The following PI4KB variants were observed in gnomAD, a reference collection of about 807,000 sequenced individuals.
The protein encoded by PI4KB is PtdIns 4-kinase beta.
In PI4KB, 23 loss-of-function variants were observed where a neutral mutation model predicts 81.4. That is an observed-to-expected ratio of 0.28 (90% CI 0.20 to 0.40). The LOEUF is 0.40. PI4KB is among the 10% of genes least tolerant of loss of function. The pLI is 1.00. For missense variants in PI4KB, 651 were observed against 1,036.6 expected, an observed-to-expected ratio of 0.63 and a Z score of 5.11; for synonymous variants, 381 against 406.8, an observed-to-expected ratio of 0.94 and a Z score of 0.76.
At chr1:151,327,215 GACCCCCCCCCCCACCCAACA>G in intron 1 of PI4KB, 36 bp downstream of exon 1, 1 of 49,688 alleles carries the variant, frequency 2.0e-5, no homozygotes, top group Middle Eastern at 8.2e-3. Flanking sequence ...GTGGGAGAGG[GACCCCCCCCCCCACCCAACA>G]GGGCAAAGGT....
rs1695348148 is a variant in PI4KB, at chr1:151,302,301, G to C, written c.1521-3C>G. 1 of 1,611,484 alleles carries C rather than the reference G, an allele frequency of 6.2e-7. No individual in the cohort carries two copies. The highest frequency in any genetic ancestry group is 8.5e-7 in the Non-Finnish European group (1 of 1,177,634). On this transcript the variant is annotated splice_polypyrimidine_tract_variant and splice_region_variant and intron_variant, in intron 6 of 11. Coordinates refer to ENST00000368873, the MANE Select transcript of PI4KB (RefSeq NM_001369623.2). Reference sequence around the variant, plus strand: ...CCAGCTGTTCCGAAAGGCGCCGGCTGGCAGGAAGAAAATACATCATTTGCT... The same window carrying C: ...CCAGCTGTTCCGAAAGGCGCCGGCTCGCAGGAAGAAAATACATCATTTGCT...
At chr1:151,316,823 G>A (rs991103840) in intron 1 of PI4KB, among the ~76,000 whole-genome samples, 5 of 151,974 alleles carry the variant, frequency 3.3e-5, no homozygotes, top group African/African-American at 1.2e-4. Context: ...TTTTGTTGTT[G>A]TTGTTGTTGT....
In PI4KB at chr1:151,293,997, C is replaced by G. The variant is rs1025281552; in HGVS notation, c.2269+21G>C. On this transcript the variant is annotated intron_variant, in intron 11 of 11. Coordinates refer to ENST00000368873, the MANE Select transcript of PI4KB (RefSeq NM_001369623.2). ...GGGGAAGCCTGAGGCACTATAGCAC[C>G]TGACCTCACCCCAGCCCCACCTTGC... The G allele has an allele frequency of 3.7e-6, 6 of 1,613,774 alleles. No homozygotes were observed. In the African/African-American group the frequency reaches 5.3e-5, roughly 14 times the overall value.
Position 151,316,155 on chromosome 1 carries a change from G to A in PI4KB, c.327C>T (p.Ala109=). Residue 109 remains alanine (A), a synonymous_variant, in exon 2 of 12, where the codon GCC becomes GCT. Coordinates refer to ENST00000368873, the MANE Select transcript of PI4KB (RefSeq NM_001369623.2). Reference sequence around the variant, plus strand: ...TTCTTGCTCCTTTGGCTGTGCCTGAGGCCACAGCGGCCCCCATCTCATCTT... The same window carrying A: ...TTCTTGCTCCTTTGGCTGTGCCTGAAGCCACAGCGGCCCCCATCTCATCTT... ...EEEDEMGAAV[A]SGTAKGARRR... is the part of the protein sequence containing the mutation. 1.2e-6 allele frequency: 2 copies of A among 1,613,946 alleles called. No homozygotes were observed. The highest frequency in any genetic ancestry group is 1.7e-6 in the Non-Finnish European group (2 of 1,179,894).
chr1:151,322,438 C>A (rs1035756866), intron 1 of PI4KB, among the ~76,000 whole-genome samples: 2 of 152,204 alleles, frequency 1.3e-5, no homozygotes, highest in African/African-American at 4.8e-5. Flanking sequence ...AAACAACTTT[C>A]TACTGGCCTC....
intron 2 of PI4KB, among the ~76,000 whole-genome samples, chr1:151,313,961 G>C (rs1647513331): frequency 6.6e-6 from 1 of 152,236 alleles, no homozygotes; most frequent in Non-Finnish European, 1.5e-5. Context: ...CAGTTTCCTT[G>C]CTGGCAAAAT....
chr1:151,293,459 C>A, intron 11 of PI4KB: 1 of 1,217,004 alleles, frequency 8.2e-7, no homozygotes, highest in East Asian at 6.8e-5. Flanking sequence ...GCAACGGCGA[C>A]AACCTGTGGG....
intron 3 of PI4KB, 81 bp from the exon 4 acceptor site, chr1:151,307,882 A>G: frequency 9.0e-7 from 1 of 1,108,692 alleles, no homozygotes; most frequent in South Asian, 1.3e-5. Flanking sequence ...ACTCCTGGCC[A>G]TGCAGGCCGG....
At chr1:151,305,217 C>T (rs587604742) in intron 5 of PI4KB, among the ~76,000 whole-genome samples, 6 of 152,314 alleles carry the variant, frequency 3.9e-5, no homozygotes, top group Non-Finnish European at 5.9e-5. Context: ...CCACCCACCT[C>T]GGCCTCCCAA....
At chr1:151,319,936 G>T in intron 1 of PI4KB, among the ~76,000 whole-genome samples, 1 of 152,210 alleles carries the variant, frequency 6.6e-6, no homozygotes, top group East Asian at 1.9e-4. Flanking sequence ...TTGGGTAGGT[G>T]GAATAAGGAG....
At chr1:151,319,420 T>C (rs181493480) in intron 1 of PI4KB, among the ~76,000 whole-genome samples, 1 of 152,334 alleles carries the variant, frequency 6.6e-6, no homozygotes, top group Non-Finnish European at 1.5e-5. Flanking sequence ...TTGAGAATCT[T>C]CCAGAAATAC....
At chr1:151,300,474 C>T (rs1391264205) in intron 8 of PI4KB, among the ~76,000 whole-genome samples, 1 of 152,050 alleles carries the variant, frequency 6.6e-6, no homozygotes, top group African/African-American at 2.4e-5. Flanking sequence ...GGCGTGGTGG[C>T]GCATGCCTAT....
At chr1:151,315,266 C>T (rs1054001864) in intron 2 of PI4KB, among the ~76,000 whole-genome samples, 2 of 152,102 alleles carry the variant, frequency 1.3e-5, no homozygotes, top group South Asian at 2.1e-4. Flanking sequence ...CGTGAGCCAC[C>T]GCGCCTGGCC....
At chr1:151,298,511 G>T in intron 9 of PI4KB, 1 of 416,848 alleles carries the variant, frequency 2.4e-6, no homozygotes, top group South Asian at 3.0e-5. Flanking sequence ...CTTCTAGCTG[G>T]GATGTACCTC....
At chr1:151,324,916 C>G (rs1649390865) in intron 1 of PI4KB, 1 of 984,460 alleles carries the variant, frequency 1.0e-6, no homozygotes, top group Non-Finnish European at 1.2e-6. Flanking sequence ...GTGGACTCAA[C>G]TCTAAGAAGA....
chr1:151,298,755 G>A, intron 9 of PI4KB, 53 bp downstream of exon 9: 1 of 1,577,540 alleles, frequency 6.3e-7, no homozygotes, highest in East Asian at 2.3e-5. Flanking sequence ...TACACACGAA[G>A]GGACAGAGAG....
chr1:151,322,169 A>G (rs1461681338), intron 1 of PI4KB, among the ~76,000 whole-genome samples: 1 of 152,144 alleles, frequency 6.6e-6, no homozygotes, highest in Non-Finnish European at 1.5e-5. Context: ...TCCACAGCCT[A>G]ACAGCTGGCC....
intron 5 of PI4KB, among the ~76,000 whole-genome samples, chr1:151,305,677 T>TA (rs1228923090): frequency 2.6e-5 from 4 of 152,222 alleles, no homozygotes; most frequent in Non-Finnish European, 4.4e-5. Flanking sequence ...ACTACTTGCT[T>TA]ACTGGCCTTG....
chr1:151,322,400 T>C (rs951469905), intron 1 of PI4KB, among the ~76,000 whole-genome samples: 5 of 152,178 alleles, frequency 3.3e-5, no homozygotes, highest in Non-Finnish European at 5.9e-5. Context: ...TAGCTCCCCA[T>C]TTCTTATCAC....
Sources: allele counts gnomAD v4.1 joint callset (sites outside exome capture counted in the v4.1 genomes callset), GRCh38; gene constraint gnomAD v4.1.1; transcripts MANE v1.5; gene names NCBI Gene and HGNC (gene_info 2026-07-23, HGNC 2026-07-21).